MACROD2: variants seen among roughly 807,000 people sequenced by gnomAD.
MACROD2 encodes the protein ADP-ribose glycohydrolase MACROD2.
MACROD2 carries 36 observed loss-of-function variants against 70.4 expected under a neutral mutation model. The observed-to-expected ratio is 0.51, with a 90% CI of 0.39 to 0.68. The LOEUF (loss-of-function observed/expected upper bound fraction) is 0.68. Among genes scored for constraint, MACROD2 ranks in the 30% least tolerant of loss-of-function variants. The pLI is 0.00. For synonymous variants in MACROD2, 172 were observed against 178.8 expected (o/e 0.96, Z 0.30); for missense variants, 496 against 538.4 (o/e 0.92, Z 0.78).
At chr20:14,065,482 T>C (rs1359118849) in intron 2 of MACROD2, among the ~76,000 whole-genome samples, 1 of 152,192 alleles carries the variant, frequency 6.6e-6, no homozygotes, top group African/African-American at 2.4e-5. Context: ...TTACAAAGTA[T>C]GTATAGGGTA....
intron 5 of MACROD2, among the ~76,000 whole-genome samples, chr20:15,020,985 T>C (rs574696753): frequency 2.1e-4 from 31 of 148,310 alleles, no homozygotes; most frequent in African/African-American, 7.7e-4. Context: ...TATACACATG[T>C]GTGTATATGT....
intron 3 of MACROD2, among the ~76,000 whole-genome samples, chr20:14,454,172 A>C (rs2084274217): frequency 6.6e-6 from 1 of 152,034 alleles, no homozygotes; most frequent in African/African-American, 2.4e-5. Flanking sequence ...GCTTATAGCA[A>C]GGATGAAAAA....
chr20:16,021,491 C>T (rs2067000720), intron 15 of MACROD2, among the ~76,000 whole-genome samples: 1 of 152,170 alleles, frequency 6.6e-6, no homozygotes. Flanking sequence ...ACTGGAAAAG[C>T]CAGGATCAAA....
intron 6 of MACROD2, among the ~76,000 whole-genome samples, chr20:15,303,396 C>A (rs886911095): frequency 6.6e-6 from 1 of 152,124 alleles, no homozygotes; most frequent in African/African-American, 2.4e-5. Flanking sequence ...CTAAAGGCAC[C>A]CTTTTCTCCA....
chr20:14,217,076 T>C (rs1347560246), intron 3 of MACROD2, among the ~76,000 whole-genome samples: 1 of 152,182 alleles, frequency 6.6e-6, no homozygotes, highest in Non-Finnish European at 1.5e-5. Context: ...GGCATCCTTG[T>C]GTTGTTCCAG....
chr20:14,585,959 A>G (rs938307989), intron 4 of MACROD2, among the ~76,000 whole-genome samples: 7 of 152,154 alleles, frequency 4.6e-5, no homozygotes. Context: ...CACAAAAAAC[A>G]ATGATATCTG....
At chr20:14,478,768 A>G (rs2123065191) in intron 3 of MACROD2, among the ~76,000 whole-genome samples, 1 of 152,248 alleles carries the variant, frequency 6.6e-6, no homozygotes, top group Non-Finnish European at 1.5e-5. Flanking sequence ...TGTTAGGTTT[A>G]CATCGTAGGT....
chr20:15,589,166 TA>T (rs1197084467), intron 8 of MACROD2, among the ~76,000 whole-genome samples: 1 of 152,132 alleles, frequency 6.6e-6, no homozygotes, highest in Non-Finnish European at 1.5e-5. Flanking sequence ...AAACCCCTAA[TA>T]AAACCATCAG....
At chr20:14,738,737 C>A (rs1024390008) in intron 5 of MACROD2, among the ~76,000 whole-genome samples, 1 of 151,354 alleles carries the variant, frequency 6.6e-6, no homozygotes, top group Non-Finnish European at 1.5e-5. Context: ...CATAAAATAT[C>A]TACTCAATCC....
In MACROD2 at chr20:15,113,980, T is replaced by C. The variant is rs189526128; in HGVS notation, c.419-115960T>C. Among the ~76,000 whole-genome samples, 777 of 152,260 alleles carry C rather than the reference T, an allele frequency of 5.1e-3. 5 individuals carry two copies. The highest frequency in any genetic ancestry group is 6.4e-3 in the Non-Finnish European group (433 of 68,012). On this transcript the variant is annotated intron_variant, in intron 5 of 17. Transcript: ENST00000684519. ...GAGAAGCATAAGAAGGCCACAGCTA[T>C]GCCTAAAGGAGTTAAAGCTGGTGCC...
chr20:14,092,957 C>T (rs2054171548), intron 3 of MACROD2, among the ~76,000 whole-genome samples: 2 of 152,192 alleles, frequency 1.3e-5, no homozygotes, highest in African/African-American at 4.8e-5. Context: ...AGCACTGGTG[C>T]TCAAGCTAGA....
intron 5 of MACROD2, among the ~76,000 whole-genome samples, chr20:14,985,797 T>C (rs1328658706): frequency 2.7e-5 from 4 of 149,632 alleles, no homozygotes; most frequent in African/African-American, 7.4e-5. Context: ...TTTAGAGATA[T>C]GGGGCCAGGG....
At chr20:15,277,779 A>G (rs2146081373) in intron 6 of MACROD2, among the ~76,000 whole-genome samples, 1 of 152,272 alleles carries the variant, frequency 6.6e-6, no homozygotes, top group Non-Finnish European at 1.5e-5. Flanking sequence ...AAGCCTCAGA[A>G]AAAGGAAGGA....
intron 8 of MACROD2, among the ~76,000 whole-genome samples, chr20:15,523,767 T>G (rs1227195714): frequency 6.6e-6 from 1 of 152,174 alleles, no homozygotes; most frequent in African/African-American, 2.4e-5. Context: ...ATGTTTGTCT[T>G]CATTCTTTCT....
At position 14,862,221 on chromosome 20, in the gene MACROD2, A is replaced by AAATATATATAAATATATATTTATATATT. The variant is rs1453220074; in HGVS notation, c.418+177280_418+177307dup. The stretch of plus-strand genomic sequence containing the variant: ...TAAATATATAAATATATATATATAT[A>AAATATATATAAATATATATTTATATATT]AATATATATAAATATATATTTATAT... On this transcript the variant is annotated intron_variant, in intron 5 of 17. Transcript: ENST00000684519. 5.7e-4 allele frequency among the ~76,000 whole-genome samples: 12 copies of AAATATATATAAATATATATTTATATATT among 21,090 alleles called. 1 individual carries two copies. Among genetic ancestry groups the AAATATATATAAATATATATTTATATATT allele is most frequent in the South Asian group, 2.0e-3 (1 of 502 alleles). The allele number at this position is 21,090 out of a possible 152,430, so 13.8% of individuals were successfully genotyped here. A position where few individuals can be genotyped will look rare whatever the true frequency, so the allele number is the denominator to read the frequency against.
intron 4 of MACROD2, among the ~76,000 whole-genome samples, chr20:14,585,012 T>C (rs958646700): frequency 1.6e-4 from 25 of 152,184 alleles, no homozygotes; most frequent in African/African-American, 5.8e-4. Flanking sequence ...TGGTCTAAGG[T>C]CCTCCAGGAA....
intron 5 of MACROD2, among the ~76,000 whole-genome samples, chr20:14,852,014 T>G: frequency 6.6e-6 from 1 of 150,458 alleles, no homozygotes; most frequent in African/African-American, 2.5e-5. Flanking sequence ...TGTCAGAGAG[T>G]CATGCATGAA....
intron 2 of MACROD2, among the ~76,000 whole-genome samples, chr20:14,043,532 G>A: frequency 6.6e-6 from 1 of 152,162 alleles, no homozygotes; most frequent in East Asian, 1.9e-4. Flanking sequence ...TTGGATAGGT[G>A]TGATTGAAGA....
intron 8 of MACROD2, among the ~76,000 whole-genome samples, chr20:15,598,299 C>G (rs897759090): frequency 2.6e-5 from 4 of 152,194 alleles, no homozygotes; most frequent in African/African-American, 4.8e-5. Context: ...ATTTCCTAAG[C>G]ATGACCAGTA....
Sources: allele counts gnomAD v4.1 joint callset (sites outside exome capture counted in the v4.1 genomes callset), GRCh38; gene constraint gnomAD v4.1.1; transcripts MANE v1.5; gene names NCBI Gene and HGNC (gene_info 2026-07-23, HGNC 2026-07-21).